SF3B2: variants seen among roughly 807,000 people sequenced by gnomAD.
SF3B2 encodes SAP 145.
A neutral mutation model predicts 116.3 loss-of-function variants in SF3B2; 22 were observed. That is an observed-to-expected ratio of 0.19 (90% CI 0.14 to 0.27). The LOEUF (loss-of-function observed/expected upper bound fraction) is 0.27. Among genes scored for constraint, SF3B2 ranks in the 10% least tolerant of loss-of-function variants. SF3B2 has a pLI of 1.00. For synonymous variants in SF3B2, 406 were observed against 421.6 expected (o/e 0.96, Z 0.45); for missense variants, 767 against 1,151.4 (o/e 0.67, Z 4.83).
At chr11:66,054,837 G>A (rs1156815775) in intron 3 of SF3B2, among the ~76,000 whole-genome samples, 4 of 152,200 alleles carry the variant, frequency 2.6e-5, no homozygotes, top group African/African-American at 9.7e-5. Context: ...TCCTAGAATT[G>A]TATGCAGAAT....
intron 5 of SF3B2, chr11:66,055,808 T>G: frequency 1.9e-6 from 1 of 517,972 alleles, no homozygotes; most frequent in Non-Finnish European, 3.4e-6. Flanking sequence ...AACTTTAAAA[T>G]TTTTTAAGGG....
chr11:66,053,003 C>T (rs1235380442), intron 2 of SF3B2, 24 bp from the exon 3 acceptor site: 9 of 1,611,874 alleles, frequency 5.6e-6, no homozygotes, highest in Non-Finnish European at 7.6e-6. Context: ...TTTGGACTGA[C>T]CTAGAGTCCT....
chr11:66,060,211 C>T (rs910489918), intron 13 of SF3B2, among the ~76,000 whole-genome samples: 3 of 152,192 alleles, frequency 2.0e-5, no homozygotes, highest in African/African-American at 7.2e-5. Flanking sequence ...CTCAGATGTA[C>T]TTTGTGGCTA....
rs752460178 is a variant in SF3B2, at chr11:66,060,725, C to T, written c.1773C>T (p.Tyr591=). ...KPKLTIHGDL[Y]YEGKEFETRL... The stretch of plus-strand genomic sequence containing the variant: ...AGCTGACCATCCATGGGGACCTGTA[C>T]TATGAGGTTCGGGAGGGGGCTGGGA... Residue 591 remains tyrosine, a synonymous_variant, in exon 14 of 22, where the codon TAC becomes TAT. Coordinates refer to ENST00000322535, the MANE Select transcript of SF3B2 (RefSeq NM_006842.3). 4.3e-6 allele frequency: 7 copies of T among 1,614,042 alleles called. No individual in the cohort carries two copies. In the East Asian group the frequency reaches 1.6e-4, roughly 36 times the overall value.
chr11:66,059,060 C>T lies in SF3B2; in HGVS notation c.1182+15C>T, dbSNP rs1344897141. 2 of 1,611,948 alleles carry T rather than the reference C, an allele frequency of 1.2e-6. No individual in the cohort carries two copies. The highest frequency in any genetic ancestry group is 8.5e-7 in the Non-Finnish European group (1 of 1,178,422). On this transcript the variant is annotated intron_variant, in intron 10 of 21. Transcript: ENST00000322535. This position sits in a 1 kb window ranked among gnomAD's most constrained non-coding sequence, Gnocchi z 5.0. Reference sequence around the variant, plus strand: ...AGGCTTTTAAGGTACAAGGAGAGCACACTAGGAAGGGGCAGTGCCAAACAG... The same window carrying T: ...AGGCTTTTAAGGTACAAGGAGAGCATACTAGGAAGGGGCAGTGCCAAACAG...
At chr11:66,057,523 T>C (rs2302883) in intron 7 of SF3B2, 148 bp downstream of exon 7, 135,182 of 621,020 alleles carry the variant, frequency 0.22, 15,749 homozygotes, top group Middle Eastern at 0.29. Context: ...AAACTAAGGG[T>C]ATGGCAGAGG....
In SF3B2 at chr11:66,052,396, G is replaced by T. The variant is rs752149333; in HGVS notation, c.12G>T (p.Glu4Asp). MAT[E>D]HPEPPKAELQ... Reference sequence around the variant, plus strand: ...TTCCTGCGGCTAAGATGGCGACGGAGCATCCCGAGCCTCCCAAAGCAGAAT... The same window carrying T: ...TTCCTGCGGCTAAGATGGCGACGGATCATCCCGAGCCTCCCAAAGCAGAAT... The change falls in exon 1 of 22, where the codon GAG becomes GAT. Residue 4 changes from glutamate to aspartate, a missense_variant. Glu to Asp is a conservative substitution (Grantham distance 45). Around this residue, in one of 4 missense-constraint regions of SF3B2, gnomAD observed 455 missense variants for 537.5 expected, o/e 0.85. Transcript: ENST00000322535. The T allele has an allele frequency of 4.3e-6, 7 of 1,611,166 alleles. No individual in the cohort carries two copies. The highest frequency in any genetic ancestry group is 5.1e-6 in the Non-Finnish European group (6 of 1,179,182).
At chr11:66,064,730 G>A (rs1019412889) in intron 19 of SF3B2, 35 of 152,064 alleles carry the variant, frequency 2.3e-4, no homozygotes, top group Admixed American at 2.2e-3. Flanking sequence ...AGTACTCTCA[G>A]TACTTTGGGA....
chr11:66,063,468 C>T lies in SF3B2; in HGVS notation c.2154C>T (p.Ser718=), dbSNP rs747669138. The part of the protein sequence containing the change: ...WGELEPSDEE[S]SEEEEEEESD... ...AACTGGAACCATCTGATGAAGAATCCTCAGAAGAAGAGGAAGAGGAAGAAA... is the reference window on the plus strand; with the variant it reads ...AACTGGAACCATCTGATGAAGAATCTTCAGAAGAAGAGGAAGAGGAAGAAA... Residue 718 remains serine (S), a synonymous_variant, in exon 18 of 22, where the codon TCC becomes TCT. Transcript: ENST00000322535. The T allele has an allele frequency of 1.2e-5, 19 of 1,613,860 alleles. No individual in the cohort carries two copies. The highest frequency in any genetic ancestry group is 1.6e-5 in the Non-Finnish European group (19 of 1,179,854).
intron 2 of SF3B2, 31 bp downstream of exon 2, chr11:66,052,750 G>A (rs1009255157): frequency 2.6e-6 from 4 of 1,541,062 alleles, no homozygotes; most frequent in East Asian, 4.5e-5. Context: ...GTCAGGATAG[G>A]CCGAGCTTCT....
At chr11:66,060,541 G>C in intron 13 of SF3B2, 41 bp from the exon 14 acceptor site, 1 of 1,610,844 alleles carries the variant, frequency 6.2e-7, no homozygotes, top group Non-Finnish European at 8.5e-7. Context: ...CATGAATTTG[G>C]TGAGTACTTG....
rs1226354458 is a variant in SF3B2 at position 66,057,962 on chromosome 11, A to C, written c.778-92A>C. The C allele has an allele frequency of 4.4e-5, 45 of 1,018,770 alleles. 1 individual carries two copies. Among genetic ancestry groups the C allele is most frequent in the African/African-American group, 6.9e-5 (4 of 57,576 alleles). The allele number at this position is 1,018,770 out of a possible 1,614,324, so 63.1% of individuals were successfully genotyped here. On this transcript the variant is annotated intron_variant, in intron 7 of 21. Coordinates refer to ENST00000322535, the MANE Select transcript of SF3B2 (RefSeq NM_006842.3). ...ACTCCAGCCTGGGCAACAAGAGCAA[A>C]ACTCCGTCTCAAAAAAAAAAAAAAG...
intron 19 of SF3B2, among the ~76,000 whole-genome samples, chr11:66,064,094 C>T (rs1857140200): frequency 6.6e-6 from 1 of 152,142 alleles, no homozygotes. Context: ...AGTGCAAAGG[C>T]ACTGAGACAG....
intron 3 of SF3B2, chr11:66,053,778 G>C (rs1193875543): frequency 6.5e-6 from 1 of 153,530 alleles, no homozygotes; most frequent in Non-Finnish European, 1.5e-5. Flanking sequence ...GCAGTGGGTT[G>C]ATAGGTGCAG....
At chr11:66,062,038 T>C (rs770482219) in intron 16 of SF3B2, 40 bp downstream of exon 16, 1 of 1,437,996 alleles carries the variant, frequency 7.0e-7, no homozygotes, top group Admixed American at 1.9e-5. Flanking sequence ...CCATTTCTGC[T>C]TTTGAACTGG....
intron 5 of SF3B2, 25 bp from the exon 6 acceptor site, chr11:66,056,813 A>T: frequency 6.3e-7 from 1 of 1,580,748 alleles, no homozygotes; most frequent in Non-Finnish European, 8.7e-7. Flanking sequence ...TTCAGGCAGT[A>T]TCTACTCCCA....
rs564511511 is a variant in SF3B2, at chr11:66,052,486, C to G, written c.102C>G (p.Ala34=). The change falls in exon 1 of 22, where the codon GCC becomes GCG. Residue 34 remains alanine (A), a synonymous_variant. Transcript: ENST00000322535. ...YGAWAAQELQ[A]KLAEIGAPIQ... is the part of the protein sequence containing the mutation. ...CCTGGGCTGCCCAGGAGCTTCAGGC[C>G]AAGTTGGCAGAGATCGGAGCTCCGA... is the stretch of plus-strand genomic sequence containing the variant. The G allele has an allele frequency of 6.1e-5, 98 of 1,613,800 alleles. No homozygotes were observed. In the South Asian group the frequency reaches 9.7e-4, roughly 16 times the overall value.
chr11:66,056,805 C>A, intron 5 of SF3B2, 33 bp from the exon 6 acceptor site: 1 of 1,536,374 alleles, frequency 6.5e-7, no homozygotes, highest in Non-Finnish European at 9.0e-7. Context: ...AATGCGTTTT[C>A]AGGCAGTATC....
intron 19 of SF3B2, among the ~76,000 whole-genome samples, chr11:66,064,201 CTCTT>C (rs1488643889): frequency 6.6e-6 from 1 of 152,260 alleles, no homozygotes; most frequent in Non-Finnish European, 1.5e-5. Context: ...AAATGACCCT[CTCTT>C]TATCCATTCT....
Sources: allele counts gnomAD v4.1 joint callset (sites outside exome capture counted in the v4.1 genomes callset), GRCh38; gene constraint gnomAD v4.1.1; regional missense constraint gnomAD v4.1.1; non-coding constraint Gnocchi (gnomAD v3.1); transcripts MANE v1.5; gene names NCBI Gene and HGNC (gene_info 2026-07-23, HGNC 2026-07-21).